The following KALRN variants were observed in gnomAD, a reference collection of about 807,000 sequenced individuals.
KALRN encodes the protein kalirin RhoGEF kinase.
In KALRN, 70 loss-of-function variants were observed where a neutral mutation model predicts 353.7. The ratio of observed to expected loss-of-function variants is 0.20; its 90% CI spans 0.16 to 0.24. The LOEUF is 0.24. Ranked by LOEUF, KALRN falls within the 10% of genes least tolerant of loss-of-function variation. The pLI is 1.00. For missense variants in KALRN, 2,791 were observed against 3,756.7 expected (o/e 0.74, Z 6.72); for synonymous variants, 1,391 against 1,434.8 (o/e 0.97, Z 0.69).
chr3:124,366,223 T>A (rs1687420993), intron 10 of KALRN, among the ~76,000 whole-genome samples: 2 of 151,660 alleles, frequency 1.3e-5, no homozygotes, highest in South Asian at 2.1e-4. Context: ...TTTATTTTTT[T>A]ATTGATAATT....
chr3:124,154,219 C>T (rs1040655539), intron 1 of KALRN, among the ~76,000 whole-genome samples: 4 of 152,234 alleles, frequency 2.6e-5, no homozygotes, highest in Non-Finnish European at 5.9e-5. Context: ...GATGCCCTCT[C>T]TCACCACTTC....
intron 33 of KALRN, among the ~76,000 whole-genome samples, chr3:124,526,977 A>G (rs1392909578): frequency 1.3e-5 from 2 of 152,230 alleles, no homozygotes; most frequent in African/African-American, 4.8e-5. Flanking sequence ...AACAACAACC[A>G]CAGACAAGAA....
chr3:124,685,416 C>G (rs2061514647), intron 51 of KALRN, among the ~76,000 whole-genome samples: 1 of 152,166 alleles, frequency 6.6e-6, no homozygotes, highest in African/African-American at 2.4e-5. Context: ...GGTAGAGTTT[C>G]TCACCCTCCT....
intron 23 of KALRN, among the ~76,000 whole-genome samples, chr3:124,461,498 G>A (rs997174620): frequency 2.0e-5 from 3 of 152,130 alleles, no homozygotes; most frequent in Non-Finnish European, 4.4e-5. Flanking sequence ...GGAGCTGTAG[G>A]AGAAATGTGG....
At chr3:124,367,501 G>A (rs1351776508) in intron 10 of KALRN, among the ~76,000 whole-genome samples, 11 of 105,770 alleles carry the variant, frequency 1.0e-4, no homozygotes, top group African/African-American at 4.4e-4. Flanking sequence ...GCAGCTGGCC[G>A]GGCGGGGGGG....
chr3:124,212,023 C>T (rs563668552), intron 1 of KALRN, among the ~76,000 whole-genome samples: 1 of 152,162 alleles, frequency 6.6e-6, no homozygotes, highest in South Asian at 2.1e-4. Context: ...AATAGAATAA[C>T]AGACAAAAAT....
rs552121379 is a variant in KALRN at position 124,329,285 on chromosome 3, T to C, written c.1285-576T>C. Among the ~76,000 whole-genome samples, 4 of 152,308 alleles carry C rather than the reference T, an allele frequency of 2.6e-5. No homozygotes were observed. In the East Asian group the frequency reaches 7.7e-4, roughly 29 times the overall value. ...ACAGCCTGTCCCCCTAGACTGCCTC[T>C]CTCGTTTCCACCCTTCAGGGGACTG... is the stretch of plus-strand genomic sequence containing the variant. On this transcript the variant is annotated intron_variant, in intron 7 of 59. Coordinates refer to ENST00000682506, the MANE Select transcript of KALRN (RefSeq NM_001388419.1).
Position 124,269,229 on chromosome 3 carries a change from C to T in KALRN, c.943C>T (p.Arg315Trp), listed in dbSNP as rs2148925540. 2 of 1,600,220 alleles carry T rather than the reference C, an allele frequency of 1.2e-6. No homozygotes were observed. Among genetic ancestry groups the T allele is most frequent in the Non-Finnish European group, 1.7e-6 (2 of 1,169,460 alleles). Residue 315 changes from arginine (R) to tryptophan (W), a missense_variant, in exon 5 of 60, where the codon CGG becomes TGG. Arg to Trp is a moderately radical substitution (Grantham distance 101). Transcript: ENST00000682506. ...KLKLDQCFQLRLFEQDAEKMF... is the reference protein window; with the variant it reads ...KLKLDQCFQLWLFEQDAEKMF... ...CAAGCTGGACCAGTGCTTTCAGCTG[C>T]GGCTCTTCGAGCAGGATGCTGAGAA...
chr3:124,244,796 C>T (rs1272584515), intron 3 of KALRN, among the ~76,000 whole-genome samples: 12 of 151,922 alleles, frequency 7.9e-5, no homozygotes, highest in Admixed American at 5.9e-4. Flanking sequence ...GTGGTTTCTT[C>T]GAGATAAATC....
rs572237389 is a variant in KALRN, at chr3:124,597,388, T to C, written c.5182+34299T>C. Among the ~76,000 whole-genome samples the C allele has an allele frequency of 3.3e-4, 50 of 152,310 alleles. 1 individual carries two copies. The highest frequency in any genetic ancestry group is 6.8e-3 in the Middle Eastern group (2 of 294). ...TTGCTAAAGACAATAAGGGGAACAG[T>C]GCTGCGAGGTCCTGCCAGATTGCTG... On this transcript the variant is annotated intron_variant, in intron 34 of 59. Transcript: ENST00000682506.
chr3:124,452,738 T>C (rs1445147201), intron 21 of KALRN, among the ~76,000 whole-genome samples: 2 of 152,174 alleles, frequency 1.3e-5, no homozygotes, highest in African/African-American at 2.4e-5. Context: ...CTAAACTCAT[T>C]TTACTGTCTC....
At chr3:124,566,759 G>A (rs779593739) in intron 34 of KALRN, among the ~76,000 whole-genome samples, 3 of 152,162 alleles carry the variant, frequency 2.0e-5, no homozygotes, top group Non-Finnish European at 4.4e-5. Context: ...TCCAGTGGGT[G>A]CTTTACCTTA....
chr3:124,135,189 C>A (rs1250452734), intron 1 of KALRN, among the ~76,000 whole-genome samples: 1 of 152,180 alleles, frequency 6.6e-6, no homozygotes, highest in Non-Finnish European at 1.5e-5. Context: ...TGGAATACTA[C>A]TCAGCCCTAA....
chr3:124,623,711 T>C (rs1408561892), intron 34 of KALRN, among the ~76,000 whole-genome samples: 1 of 152,100 alleles, frequency 6.6e-6, no homozygotes, highest in Non-Finnish European at 1.5e-5. Flanking sequence ...GCCCACTGAC[T>C]CAAATGTTAA....
intron 33 of KALRN, among the ~76,000 whole-genome samples, chr3:124,508,130 T>C (rs1029874229): frequency 6.6e-6 from 1 of 152,216 alleles, no homozygotes; most frequent in Non-Finnish European, 1.5e-5. Context: ...TATATCAAAC[T>C]TTCTAAATTT....
At chr3:124,079,163 A>G (rs112082819) in intron 1 of KALRN, among the ~76,000 whole-genome samples, 9,352 of 152,202 alleles carry the variant, frequency 0.061, 379 homozygotes, top group South Asian at 0.099. Flanking sequence ...GTAGTAGCAA[A>G]CATGATCTGC....
intron 1 of KALRN, among the ~76,000 whole-genome samples, chr3:124,107,679 A>T (rs1305390215): frequency 6.6e-6 from 1 of 152,140 alleles, no homozygotes; most frequent in African/African-American, 2.4e-5. Context: ...CTGTGTCTGG[A>T]GGAGGCTGGA....
intron 9 of KALRN, among the ~76,000 whole-genome samples, chr3:124,343,120 C>A (rs2149521555): frequency 6.6e-6 from 1 of 152,336 alleles, no homozygotes; most frequent in African/African-American, 2.4e-5. Flanking sequence ...CTTCTCTACT[C>A]TTGCCTTCTC....
rs569574640 is a variant in KALRN, at chr3:124,381,409, T to A, written c.1771-3436T>A. On this transcript the variant is annotated intron_variant, in intron 10 of 59. Transcript: ENST00000682506. ...GTGAAGAAGGGCATTGCACACCGTG[T>A]CAAGACATTTTACCCCAAAGGCAGT... Among the ~76,000 whole-genome samples, 17 of 152,286 alleles carry A rather than the reference T, an allele frequency of 1.1e-4. No homozygotes were observed. The South Asian group carries it at 3.5e-3, about 32-fold the overall frequency.
Sources: allele counts gnomAD v4.1 joint callset (sites outside exome capture counted in the v4.1 genomes callset), GRCh38; gene constraint gnomAD v4.1.1; transcripts MANE v1.5; gene names NCBI Gene and HGNC (gene_info 2026-07-23, HGNC 2026-07-21).